The following UNC13B variants were observed in gnomAD, a reference collection of about 807,000 sequenced individuals.
UNC13B encodes the protein unc-13 homolog B, also known as protein unc-13 homolog B.
A neutral mutation model predicts 211.0 loss-of-function variants in UNC13B; 144 were observed. The ratio of observed to expected loss-of-function variants is 0.68; its 90% CI spans 0.60 to 0.78. The LOEUF is 0.78. Ranked by LOEUF, UNC13B falls within the 30% of genes least tolerant of loss-of-function variation. UNC13B has a pLI of 0.00. For synonymous variants in UNC13B, 709 were observed against 725.8 expected, an observed-to-expected ratio of 0.98 and a Z score of 0.37; for missense variants, 1,777 against 2,002.0, an observed-to-expected ratio of 0.89 and a Z score of 2.14.
chr9:35,332,400 T>A (rs766447599), intron 11 of UNC13B, among the ~76,000 whole-genome samples: 4 of 152,210 alleles, frequency 2.6e-5, no homozygotes, highest in African/African-American at 4.8e-5. Context: ...CCTTTTCCTT[T>A]GTTCTCTATT....
chr9:35,332,336 T>C (rs965412941), intron 11 of UNC13B, among the ~76,000 whole-genome samples: 2 of 152,262 alleles, frequency 1.3e-5, no homozygotes, highest in African/African-American at 4.8e-5. Flanking sequence ...AGTTATCTAC[T>C]AGTTATTTTC....
chr9:35,287,076 G>A (rs1281667965), intron 7 of UNC13B, among the ~76,000 whole-genome samples: 1 of 151,262 alleles, frequency 6.6e-6, no homozygotes, highest in Non-Finnish European at 1.5e-5. Flanking sequence ...CTTGTTATAA[G>A]TTATCATAAA....
chr9:35,347,391 C>G (rs546056293), intron 11 of UNC13B, among the ~76,000 whole-genome samples: 1 of 152,294 alleles, frequency 6.6e-6, no homozygotes, highest in South Asian at 2.1e-4. Flanking sequence ...TGCTCCCTGT[C>G]ATTTCACTTC....
In UNC13B at chr9:35,398,572, G is replaced by T. The variant is rs1357718814; in HGVS notation, c.11851G>T (p.Asp3951Tyr). The change falls in exon 32 of 40, where the codon GAC becomes TAC. Residue 3951 changes from aspartate (D) to tyrosine (Y), a missense_variant. By Grantham distance (160) the Asp-to-Tyr change is radical. Coordinates refer to ENST00000635942, the MANE Select transcript of UNC13B (RefSeq NM_001371189.2). The stretch of plus-strand genomic sequence containing the variant: ...AATACAGCTGGACCTTGAAGCTGCA[G>T]ACAGTCTGAAGGAGCTGCAGGTGAA... Reference protein sequence around the residue: ...GGKELDLEAADSLKELQVKLN... With the variant: ...GGKELDLEAAYSLKELQVKLN... 3 of 1,614,020 alleles carry T rather than the reference G, an allele frequency of 1.9e-6. 1 individual carries two copies. The South Asian group carries it at 3.3e-5, about 18-fold the overall frequency.
At chr9:35,312,928 T>C (rs1169797372) in intron 10 of UNC13B, among the ~76,000 whole-genome samples, 1 of 152,178 alleles carries the variant, frequency 6.6e-6, no homozygotes, top group Admixed American at 6.5e-5. Context: ...TTTTTTCTTT[T>C]CTTTCTTGGC....
At position 35,370,302 on chromosome 9, in the gene UNC13B, T is replaced by C. The variant is rs575139524; in HGVS notation, c.9462-16T>C. The C allele has an allele frequency of 6.2e-7, 1 of 1,612,986 alleles. No homozygotes were observed. Among genetic ancestry groups the C allele is most frequent in the South Asian group, 1.1e-5 (1 of 90,980 alleles). On this transcript the variant is annotated splice_polypyrimidine_tract_variant and intron_variant, in intron 12 of 39. Coordinates refer to ENST00000635942, the MANE Select transcript of UNC13B (RefSeq NM_001371189.2). ...AGCAAGACTGACGGTCCTGACATATTTTCTTCTCTCCTCAGGCCAGCCGGA... is the reference window on the plus strand; with the variant it reads ...AGCAAGACTGACGGTCCTGACATATCTTCTTCTCTCCTCAGGCCAGCCGGA...
intron 1 of UNC13B, among the ~76,000 whole-genome samples, chr9:35,196,026 C>T (rs1259531614): frequency 6.6e-6 from 1 of 151,906 alleles, no homozygotes; most frequent in Non-Finnish European, 1.5e-5. Context: ...ATATACTATT[C>T]CTATCTTTTG....
At chr9:35,288,549 G>A (rs547157757) in intron 7 of UNC13B, among the ~76,000 whole-genome samples, 3 of 152,282 alleles carry the variant, frequency 2.0e-5, no homozygotes, top group African/African-American at 4.8e-5. Flanking sequence ...TGTTCTGCTG[G>A]CTAGTTATGT....
At chr9:35,299,621 T>C (rs928902679) in intron 8 of UNC13B, among the ~76,000 whole-genome samples, 1 of 152,210 alleles carries the variant, frequency 6.6e-6, no homozygotes. Context: ...AAAATTGATA[T>C]TATAGCTGTT....
rs1564120030 is a variant in UNC13B, at chr9:35,297,558, T to TG, written c.761+1628_761+1629insG. On this transcript the variant is annotated intron_variant, in intron 8 of 39. Coordinates refer to ENST00000635942, the MANE Select transcript of UNC13B (RefSeq NM_001371189.2). Reference sequence around the variant, plus strand: ...AGCACATACTTTGTCTTTTTTTTTTTTTTTTTTTTGAGACGGAGTCTCGCT... The same window carrying TG: ...AGCACATACTTTGTCTTTTTTTTTTTGTTTTTTTTTGAGACGGAGTCTCGCT... Among the ~76,000 whole-genome samples the TG allele has an allele frequency of 1.3e-4, 18 of 140,858 alleles. 1 individual carries two copies. The highest frequency in any genetic ancestry group is 4.3e-4 in the African/African-American group (16 of 37,590). 92.4% of individuals were successfully genotyped at this position (140,858 alleles called of 152,430 possible).
intron 29 of UNC13B, 135 bp from the exon 30 acceptor site, chr9:35,397,500 T>G (rs183086629): frequency 1.3e-4 from 162 of 1,275,514 alleles, no homozygotes; most frequent in Middle Eastern, 2.5e-4. Flanking sequence ...AGAGAGAGCT[T>G]TCTCCTGTAC....
chr9:35,206,700 C>T (rs1353493210), intron 1 of UNC13B, among the ~76,000 whole-genome samples: 1 of 151,970 alleles, frequency 6.6e-6, no homozygotes, highest in Non-Finnish European at 1.5e-5. Context: ...ATGGTGAAAT[C>T]CCATCTCTAC....
At chr9:35,162,422 G>T in intron 1 of UNC13B, 117 bp downstream of exon 1, 4 of 1,315,080 alleles carry the variant, frequency 3.0e-6, no homozygotes, top group Non-Finnish European at 4.0e-6. Flanking sequence ...GTGCTTTGGG[G>T]GTCTATTATT....
intron 11 of UNC13B, among the ~76,000 whole-genome samples, chr9:35,336,567 G>A (rs1831670710): frequency 6.6e-6 from 1 of 152,112 alleles, no homozygotes. Context: ...TGTGATCATG[G>A]CTCACTGCTG....
At chr9:35,232,861 G>A (rs527251205) in intron 3 of UNC13B, among the ~76,000 whole-genome samples, 2 of 152,268 alleles carry the variant, frequency 1.3e-5, no homozygotes, top group South Asian at 4.1e-4. Flanking sequence ...AGGGACTGGA[G>A]TAGAAGCTGG....
At chr9:35,181,375 C>T (rs1026711865) in intron 1 of UNC13B, among the ~76,000 whole-genome samples, 1 of 152,114 alleles carries the variant, frequency 6.6e-6, no homozygotes, top group Admixed American at 6.5e-5. Context: ...TCTCAGTGAT[C>T]TAGAAGCTGT....
intron 7 of UNC13B, among the ~76,000 whole-genome samples, chr9:35,270,484 T>G: frequency 6.6e-6 from 1 of 152,154 alleles, no homozygotes; most frequent in East Asian, 1.9e-4. Flanking sequence ...ATCAAATTAT[T>G]TATTCATTTG....
intron 1 of UNC13B, among the ~76,000 whole-genome samples, chr9:35,183,713 T>G (rs1306043621): frequency 2.6e-5 from 3 of 117,588 alleles, no homozygotes; most frequent in African/African-American, 6.7e-5. Flanking sequence ...GCAGAGGCGC[T>G]CCTCACTTCC....
chr9:35,251,908 C>T (rs1273310574), intron 6 of UNC13B, among the ~76,000 whole-genome samples: 5 of 152,014 alleles, frequency 3.3e-5, no homozygotes, highest in Non-Finnish European at 5.9e-5. Flanking sequence ...CCAGGCTGGT[C>T]GCAAACTTCT....
Sources: gnomAD v4.1 joint callset for allele counts (sites outside exome capture counted in the v4.1 genomes callset) on GRCh38, gnomAD v4.1.1 for gene constraint, MANE v1.5 for transcripts, NCBI Gene and HGNC (gene_info 2026-07-23, HGNC 2026-07-21) for gene names.